The following PCGF5 variants were observed in gnomAD, a reference collection of about 807,000 sequenced individuals.
PCGF5 encodes polycomb group ring finger 5.
PCGF5 carries 9 observed loss-of-function variants against 44.3 expected under a neutral mutation model. The ratio of observed to expected loss-of-function variants is 0.20; its 90% CI spans 0.12 to 0.35. The LOEUF is 0.35. Ranked by LOEUF, PCGF5 falls within the 10% of genes least tolerant of loss-of-function variation. PCGF5 has a pLI of 1.00. For missense variants in PCGF5, 146 were observed against 305.3 expected, an observed-to-expected ratio of 0.48 and a Z score of 3.89; for synonymous variants, 95 against 102.5, an observed-to-expected ratio of 0.93 and a Z score of 0.44.
rs556313966 is a variant in PCGF5, at chr10:91,277,537, G to A, written c.724-732G>A. 1.1e-4 allele frequency among the ~76,000 whole-genome samples: 17 copies of A among 152,304 alleles called. No homozygotes were observed. In the East Asian group the frequency reaches 3.3e-3, roughly 29 times the overall value. On this transcript the variant is annotated intron_variant, in intron 9 of 9. Transcript: ENST00000336126. ...CATATGCCTTTATCCCAAAGAAGCTGTTTCCTCTCTAGTTCTGTATGATAG... is the reference window on the plus strand; with the variant it reads ...CATATGCCTTTATCCCAAAGAAGCTATTTCCTCTCTAGTTCTGTATGATAG...
chr10:91,165,376 G>T (rs1195278018), intron 1 of PCGF5, among the ~76,000 whole-genome samples: 1 of 152,206 alleles, frequency 6.6e-6, no homozygotes, highest in Non-Finnish European at 1.5e-5. Context: ...AAATCCCACA[G>T]TCCTATGTTT....
intron 2 of PCGF5, among the ~76,000 whole-genome samples, chr10:91,232,811 G>C (rs778761301): frequency 6.6e-6 from 1 of 152,200 alleles, no homozygotes; most frequent in Non-Finnish European, 1.5e-5. Flanking sequence ...AGGAGGATAT[G>C]TTGGGGGTTT....
chr10:91,228,593 A>T (rs1403123547), intron 2 of PCGF5, among the ~76,000 whole-genome samples: 3 of 152,230 alleles, frequency 2.0e-5, no homozygotes, highest in Non-Finnish European at 2.9e-5. Context: ...CGGCGATTTT[A>T]TGTGGTAATA....
chr10:91,219,432 A>G (rs1323784516), upstream of PCGF5, among the ~76,000 whole-genome samples: 1 of 152,202 alleles, frequency 6.6e-6, no homozygotes, highest in Admixed American at 6.5e-5. Flanking sequence ...ATATCCTCCA[A>G]TGCATATTTT....
At position 91,248,649 on chromosome 10, in the gene PCGF5, C is replaced by G; in HGVS notation, c.266-16C>G. On this transcript the variant is annotated splice_polypyrimidine_tract_variant and intron_variant, in intron 4 of 9. Coordinates refer to ENST00000336126, the MANE Select transcript of PCGF5 (RefSeq NM_032373.5). ...ATTTCATGACTTTTACTTTTATACT[C>G]TTTCTTTTAAATTAGAAGAACTTGA... 1 of 1,602,436 alleles carries G rather than the reference C, an allele frequency of 6.2e-7. No homozygotes were observed. The highest frequency in any genetic ancestry group is 8.5e-7 in the Non-Finnish European group (1 of 1,172,020).
intron 1 of PCGF5, among the ~76,000 whole-genome samples, chr10:91,194,696 A>G (rs978129317): frequency 6.6e-6 from 1 of 152,248 alleles, no homozygotes; most frequent in Admixed American, 6.5e-5. Flanking sequence ...TCAAAAGCAT[A>G]GAGATGGTTT....
chr10:91,272,726 T>C (rs1185179710), intron 9 of PCGF5, among the ~76,000 whole-genome samples: 1 of 152,126 alleles, frequency 6.6e-6, no homozygotes, highest in African/African-American at 2.4e-5. Flanking sequence ...TGAACTGAGA[T>C]TGTGCCACTG....
chr10:91,256,457 A>G (rs1169265521), intron 6 of PCGF5, among the ~76,000 whole-genome samples: 1 of 152,130 alleles, frequency 6.6e-6, no homozygotes, highest in East Asian at 1.9e-4. Context: ...GACACCATCA[A>G]GCTTACCAGC....
intron 1 of PCGF5, among the ~76,000 whole-genome samples, chr10:91,211,073 G>A (rs1016207502): frequency 2.6e-5 from 4 of 152,218 alleles, no homozygotes; most frequent in African/African-American, 9.6e-5. Flanking sequence ...AATGGTAATG[G>A]AGTGCATTTT....
rs918519218 is a variant in PCGF5, at chr10:91,238,615, T to C, written c.113-1869T>C. The stretch of plus-strand genomic sequence containing the variant: ...TTTCTTTCTTTCTTTTTTTTTTTTT[T>C]TTTTTTTTTTTTTTTTGCCTCTTTC... On this transcript the variant is annotated intron_variant, in intron 2 of 9. Transcript: ENST00000336126. Among the ~76,000 whole-genome samples, 220 of 135,604 alleles carry C rather than the reference T, an allele frequency of 1.6e-3. 1 individual carries two copies. Among genetic ancestry groups the C allele is most frequent in the African/African-American group, 5.6e-3 (200 of 35,846 alleles). 89.0% of individuals were successfully genotyped at this position (135,604 alleles called of 152,430 possible). A position where few individuals can be genotyped will look rare whatever the true frequency, so the allele number is the denominator to read the frequency against.
chr10:91,181,693 C>A (rs986549160), intron 1 of PCGF5, among the ~76,000 whole-genome samples: 1 of 152,144 alleles, frequency 6.6e-6, no homozygotes, highest in Non-Finnish European at 1.5e-5. Context: ...TATGTTGAAC[C>A]AACCTTGCAT....
At chr10:91,247,887 C>T (rs1045284267) in intron 3 of PCGF5, among the ~76,000 whole-genome samples, 8 of 152,130 alleles carry the variant, frequency 5.3e-5, no homozygotes, top group Non-Finnish European at 1.2e-4. Flanking sequence ...TATTATTCCT[C>T]CTGGTTCCCT....
Position 91,264,372 on chromosome 10 carries a change from T to C in PCGF5, c.574-59T>C, listed in dbSNP as rs1013889095. 2.9e-6 allele frequency: 4 copies of C among 1,378,716 alleles called. No homozygotes were observed. The African/African-American group carries it at 4.4e-5, about 15-fold the overall frequency. The allele number at this position is 1,378,716 out of a possible 1,614,324, so 85.4% of individuals were successfully genotyped here. A position where few individuals can be genotyped will look rare whatever the true frequency, so the allele number is the denominator to read the frequency against. On this transcript the variant is annotated intron_variant, in intron 7 of 9. Coordinates refer to ENST00000336126, the MANE Select transcript of PCGF5 (RefSeq NM_032373.5). Reference sequence around the variant, plus strand: ...ATATTTTTTGAAATTTCAAAAAATATGCAAAATACTTTTGAATTCAACATT... The same window carrying C: ...ATATTTTTTGAAATTTCAAAAAATACGCAAAATACTTTTGAATTCAACATT...
chr10:91,201,801 G>A (rs1429757846), intron 1 of PCGF5, among the ~76,000 whole-genome samples: 1 of 151,556 alleles, frequency 6.6e-6, no homozygotes, highest in East Asian at 1.9e-4. Context: ...TCTTAACAAG[G>A]CTGAATGAAA....
intron 1 of PCGF5, among the ~76,000 whole-genome samples, chr10:91,213,287 TAGTC>T (rs527678994): frequency 7.2e-5 from 11 of 152,226 alleles, no homozygotes; most frequent in South Asian, 2.1e-4. Flanking sequence ...ATCTATTTCT[TAGTC>T]TGTGCAGTCC....
At chr10:91,211,180 T>G (rs954429832) in intron 1 of PCGF5, among the ~76,000 whole-genome samples, 2 of 152,250 alleles carry the variant, frequency 1.3e-5, no homozygotes, top group African/African-American at 4.8e-5. Flanking sequence ...GTTTGAACAT[T>G]GCTTGAATGT....
At chr10:91,242,932 A>C (rs1188763184) in intron 3 of PCGF5, among the ~76,000 whole-genome samples, 12 of 152,176 alleles carry the variant, frequency 7.9e-5, no homozygotes. Context: ...TCCTTTATAG[A>C]GATCTTTTCC....
At chr10:91,241,196 T>A (rs1845315896) in intron 3 of PCGF5, among the ~76,000 whole-genome samples, 2 of 151,900 alleles carry the variant, frequency 1.3e-5, no homozygotes, top group Admixed American at 1.3e-4. Context: ...TGCCTCAGCC[T>A]CCTGAGTAGC....
intron 1 of PCGF5, among the ~76,000 whole-genome samples, chr10:91,193,270 C>T (rs981811221): frequency 3.3e-5 from 5 of 152,172 alleles, no homozygotes; most frequent in Non-Finnish European, 7.3e-5. Context: ...GGAATACATC[C>T]CTGCTGTCAC....
Sources: allele counts gnomAD v4.1 joint callset (sites outside exome capture counted in the v4.1 genomes callset), GRCh38; gene constraint gnomAD v4.1.1; transcripts MANE v1.5; gene names NCBI Gene and HGNC (gene_info 2026-07-23, HGNC 2026-07-21).